The following CHST14 variants were observed in gnomAD, a reference collection of about 807,000 sequenced individuals.
CHST14 encodes the protein carbohydrate (N-acetylgalactosamine 4-0) sulfotransferase 14.
Under a neutral mutation model 22.7 loss-of-function variants are expected in CHST14, and 13 were observed. The observed-to-expected ratio is 0.57, with a 90% confidence interval of 0.37 to 0.91. The LOEUF is 0.91. Ranked by LOEUF, CHST14 falls within the 40% of genes least tolerant of loss-of-function variation. The pLI, the probability that CHST14 is intolerant of heterozygous loss-of-function variation, is 0.01. For synonymous variants in CHST14, 233 were observed against 231.9 expected (o/e 1.00, Z -0.04); for missense variants, 466 against 513.1 (o/e 0.91, Z 0.89).
At position 40,471,234 on chromosome 15, in the gene CHST14, C is replaced by T. The variant is rs1894338537; in HGVS notation, c.21C>T (p.Thr7=). ...GCACCATGTTCCCCCGCCCGCTGAC[C>T]CCGCTGGCGGCCCCAAATGGCGCCG... MFPRPL[T]PLAAPNGAEP... is the part of the protein sequence containing the mutation. Residue 7 remains threonine (T), a synonymous_variant, in exon 1 of 1, where the codon ACC becomes ACT. Coordinates refer to ENST00000306243, the MANE Select transcript of CHST14 (RefSeq NM_130468.4). The surrounding 1 kb of genome is among the most constrained non-coding windows in gnomAD (Gnocchi z 6.4). The T allele has an allele frequency of 7.0e-7, 1 of 1,427,558 alleles. No homozygotes were observed. Among genetic ancestry groups the T allele is most frequent in the Non-Finnish European group, 9.1e-7 (1 of 1,101,160 alleles). The allele number at this position is 1,427,558 out of a possible 1,614,324, so 88.4% of individuals were successfully genotyped here.
In CHST14 at chr15:40,471,187, C is replaced by G. The variant is rs1555410680; in HGVS notation, c.-27C>G. On this transcript the variant is annotated 5_prime_UTR_variant, in exon 1 of 1. Coordinates refer to ENST00000306243, the MANE Select transcript of CHST14 (RefSeq NM_130468.4). This position sits in a 1 kb window ranked among gnomAD's most constrained non-coding sequence, Gnocchi z 6.4. ...AGGCCGCCCTCGGATCGGCCGGGCC[C>G]GCGCAGGCCCCCACCCCTTGAGCAC... is the stretch of plus-strand genomic sequence containing the variant. 1 of 1,320,362 alleles carries G rather than the reference C, an allele frequency of 7.6e-7. No individual in the cohort carries two copies. Among genetic ancestry groups the G allele is most frequent in the South Asian group, 2.0e-5 (1 of 50,376 alleles). 81.8% of individuals were successfully genotyped at this position (1,320,362 alleles called of 1,614,324 possible). A position where few individuals can be genotyped will look rare whatever the true frequency, so the allele number is the denominator to read the frequency against.
Position 40,471,345 on chromosome 15 carries a change from G to A in CHST14, c.132G>A (p.Met44Ile). The stretch of plus-strand genomic sequence containing the variant: ...GGCCGCCCCTGCTGCTGCCGTCCAT[G>A]CTGATGTTTGCGGTGATCGTGGCCT... ...LGGPPLLLPS[M>I]LMFAVIVASS... The change falls in exon 1 of 1, where the codon ATG (methionine) becomes ATA (isoleucine). Residue 44 changes from methionine to isoleucine, a missense_variant. Physicochemically the swap from Met to Ile is conservative, Grantham distance 10. Coordinates refer to ENST00000306243, the MANE Select transcript of CHST14 (RefSeq NM_130468.4). The surrounding 1 kb of genome is among the most constrained non-coding windows in gnomAD (Gnocchi z 6.4). The A allele has an allele frequency of 6.5e-7, 1 of 1,549,594 alleles. No homozygotes were observed.
At position 40,472,269 on chromosome 15, in the gene CHST14, G is replaced by C; in HGVS notation, c.1056G>C (p.Leu352=). The change falls in exon 1 of 1, where the codon CTG becomes CTC. Residue 352 remains leucine, a synonymous_variant. Transcript: ENST00000306243. ...CCCGGGCCCTGCTGCAGGATGTGCT[G>C]CCTAAGTATATCCTGGACTTCTCCC... is the stretch of plus-strand genomic sequence containing the variant. ...SAPRALLQDV[L]PKYILDFSLF... The C allele has an allele frequency of 6.2e-7, 1 of 1,610,886 alleles. No individual in the cohort carries two copies. The highest frequency in any genetic ancestry group is 8.5e-7 in the Non-Finnish European group (1 of 1,177,756).
rs372676204 is a variant in CHST14 at position 40,472,394 on chromosome 15, T to G, written c.*50T>G. ...GTGGGGACTGGTTTCAACGCCAGCT[T>G]TCTGTGCTTCTGCCTGTCATTCGGA... On this transcript the variant is annotated 3_prime_UTR_variant, in exon 1 of 1. Transcript: ENST00000306243. The G allele has an allele frequency of 3.6e-5, 56 of 1,536,644 alleles. No homozygotes were observed. In the African/African-American group the frequency reaches 7.5e-4, roughly 20 times the overall value.
rs910904770 is a variant in CHST14, at chr15:40,471,043, G to C, written c.-171G>C. Reference sequence around the variant, plus strand: ...GCGCCCGCCGCCCGCCGCCCGCTTCGGCGCCGCAGCCCGGGAGCCGGCCAC... The same window carrying C: ...GCGCCCGCCGCCCGCCGCCCGCTTCCGCGCCGCAGCCCGGGAGCCGGCCAC... On this transcript the variant is annotated 5_prime_UTR_variant, in exon 1 of 1. Transcript: ENST00000306243. This position sits in a 1 kb window ranked among gnomAD's most constrained non-coding sequence, Gnocchi z 6.4. 8.4e-6 allele frequency: 3 copies of C among 355,082 alleles called. No individual in the cohort carries two copies. The highest frequency in any genetic ancestry group is 1.5e-5 in the Non-Finnish European group (3 of 199,968). The allele number at this position is 355,082 out of a possible 1,614,324, so 22.0% of individuals were successfully genotyped here.
rs1348800384 is a variant in CHST14 at position 40,471,901 on chromosome 15, A to G, written c.688A>G (p.Ile230Val). The G allele has an allele frequency of 1.9e-6, 3 of 1,614,114 alleles. No individual in the cohort carries two copies. The highest frequency in any genetic ancestry group is 1.6e-4 in the Middle Eastern group (1 of 6,062). ...LSAYRNKFGE[I>V]REYQQRYGAE... ...TGCCTACCGCAACAAGTTTGGCGAGATCCGAGAGTACCAGCAACGCTATGG... is the reference window on the plus strand; with the variant it reads ...TGCCTACCGCAACAAGTTTGGCGAGGTCCGAGAGTACCAGCAACGCTATGG... Residue 230 changes from isoleucine (I) to valine (V), a missense_variant, in exon 1 of 1, where the codon ATC becomes GTC. Transcript: ENST00000306243. The surrounding 1 kb of genome is among the most constrained non-coding windows in gnomAD (Gnocchi z 6.4).
chr15:40,472,318 G>A lies in CHST14; in HGVS notation c.1105G>A (p.Val369Ile). The A allele has an allele frequency of 6.3e-7, 1 of 1,599,048 alleles. No individual in the cohort carries two copies. Among genetic ancestry groups the A allele is most frequent in the Non-Finnish European group, 8.5e-7 (1 of 1,170,928 alleles). ...CCTCTTTGCCTACCCACTGCCTAAT[G>A]TCACCAAGGAGGCGTGTCAGCAGTG... is the stretch of plus-strand genomic sequence containing the variant. ...FSLFAYPLPN[V>I]TKEACQQ The change falls in exon 1 of 1, where the codon GTC becomes ATC. Residue 369 changes from valine (V) to isoleucine (I), a missense_variant. By Grantham distance (29) the Val-to-Ile change is conservative. Coordinates refer to ENST00000306243, the MANE Select transcript of CHST14 (RefSeq NM_130468.4).
At position 40,471,290 on chromosome 15, in the gene CHST14, C is replaced by G. The variant is rs1321331803; in HGVS notation, c.77C>G (p.Pro26Arg). 6.5e-7 allele frequency: 1 copy of G among 1,527,286 alleles called. No homozygotes were observed. The highest frequency in any genetic ancestry group is 2.0e-5 in the Admixed American group (1 of 50,532). The allele number at this position is 1,527,286 out of a possible 1,614,324, so 94.6% of individuals were successfully genotyped here. ...CTGGGCCGGGCGCTGAGGCGGGCCC[C>G]TCTGGGCAGGGCCCGGGCGGGGCTG... ...EPLGRALRRA[P>R]LGRARAGLGG... The change falls in exon 1 of 1, where the codon CCT becomes CGT. Residue 26 changes from proline (P) to arginine (R), a missense_variant. By Grantham distance (103) the Pro-to-Arg change is moderately radical. Transcript: ENST00000306243. This position sits in a 1 kb window ranked among gnomAD's most constrained non-coding sequence, Gnocchi z 6.4.
rs1187790927 is a variant in CHST14 at position 40,471,184 on chromosome 15, G to A, written c.-30G>A. The A allele has an allele frequency of 1.5e-6, 2 of 1,316,910 alleles. No homozygotes were observed. Among genetic ancestry groups the A allele is most frequent in the South Asian group, 4.0e-5 (2 of 50,136 alleles). 81.6% of individuals were successfully genotyped at this position (1,316,910 alleles called of 1,614,324 possible). ...TCCAGGCCGCCCTCGGATCGGCCGG[G>A]CCCGCGCAGGCCCCCACCCCTTGAG... On this transcript the variant is annotated 5_prime_UTR_variant, in exon 1 of 1. Transcript: ENST00000306243. The surrounding 1 kb of genome is among the most constrained non-coding windows in gnomAD (Gnocchi z 6.4).
Position 40,471,303 on chromosome 15 carries a change from C to T in CHST14, c.90C>T (p.Ala30=). 6.5e-7 allele frequency: 1 copy of T among 1,532,748 alleles called. No homozygotes were observed. Among genetic ancestry groups the T allele is most frequent in the Non-Finnish European group, 8.7e-7 (1 of 1,145,356 alleles). The allele number at this position is 1,532,748 out of a possible 1,614,324, so 94.9% of individuals were successfully genotyped here. Residue 30 remains alanine (A), a synonymous_variant, in exon 1 of 1, where the codon GCC becomes GCT. Transcript: ENST00000306243. The surrounding 1 kb of genome is among the most constrained non-coding windows in gnomAD (Gnocchi z 6.4). ...TGAGGCGGGCCCCTCTGGGCAGGGC[C>T]CGGGCGGGGCTGGGTGGGCCGCCCC... ...RALRRAPLGR[A]RAGLGGPPLL...
In CHST14 at chr15:40,472,911, G is replaced by C. The variant is rs1894370103; in HGVS notation, c.*567G>C. The C allele has an allele frequency of 6.0e-6, 1 of 167,914 alleles. No individual in the cohort carries two copies. The highest frequency in any genetic ancestry group is 2.4e-5 in the African/African-American group (1 of 41,438). 10.4% of individuals were successfully genotyped at this position (167,914 alleles called of 1,614,324 possible). A position where few individuals can be genotyped will look rare whatever the true frequency, so the allele number is the denominator to read the frequency against. ...ACGGAAGCAGGGTTCTTGCCTGGTA[G>C]CTCCAGGACCCAGCTCTGCAGGCAC... On this transcript the variant is annotated 3_prime_UTR_variant, in exon 1 of 1. Coordinates refer to ENST00000306243, the MANE Select transcript of CHST14 (RefSeq NM_130468.4).
chr15:40,472,408 C>A lies in CHST14; in HGVS notation c.*64C>A. On this transcript the variant is annotated 3_prime_UTR_variant, in exon 1 of 1. Transcript: ENST00000306243. Reference sequence around the variant, plus strand: ...CAACGCCAGCTTTCTGTGCTTCTGCCTGTCATTCGGAGAAACTCTGGCTCT... The same window carrying A: ...CAACGCCAGCTTTCTGTGCTTCTGCATGTCATTCGGAGAAACTCTGGCTCT... 6.6e-7 allele frequency: 1 copy of A among 1,516,800 alleles called. No homozygotes were observed. The highest frequency in any genetic ancestry group is 1.3e-5 in the South Asian group (1 of 77,094). 94.0% of individuals were successfully genotyped at this position (1,516,800 alleles called of 1,614,324 possible). A position where few individuals can be genotyped will look rare whatever the true frequency, so the allele number is the denominator to read the frequency against.
Position 40,471,720 on chromosome 15 carries a change from G to T in CHST14, c.507G>T (p.Leu169=), listed in dbSNP as rs776505961. 203 of 1,613,464 alleles carry T rather than the reference G, an allele frequency of 1.3e-4. No homozygotes were observed. Among genetic ancestry groups the T allele is most frequent in the Non-Finnish European group, 1.3e-4 (151 of 1,180,038 alleles). The change falls in exon 1 of 1, where the codon CTG becomes CTT. Residue 169 remains leucine, a synonymous_variant. Transcript: ENST00000306243. This position sits in a 1 kb window ranked among gnomAD's most constrained non-coding sequence, Gnocchi z 6.4. Reference sequence around the variant, plus strand: ...ACTGGAAGCGGGTGATGAAGGTGCTGGCAGGCGTCCTGGACAGCGTGGACG... The same window carrying T: ...ACTGGAAGCGGGTGATGAAGGTGCTTGCAGGCGTCCTGGACAGCGTGGACG... The part of the protein sequence containing the change: ...CSNWKRVMKV[L]AGVLDSVDVR...
At position 40,471,749 on chromosome 15, in the gene CHST14, G is replaced by C. The variant is rs756707600; in HGVS notation, c.536G>C (p.Arg179Pro). Residue 179 changes from arginine (R) to proline (P), a missense_variant, in exon 1 of 1, where the codon CGC becomes CCC. Coordinates refer to ENST00000306243, the MANE Select transcript of CHST14 (RefSeq NM_130468.4). The surrounding 1 kb of genome is among the most constrained non-coding windows in gnomAD (Gnocchi z 6.4). The part of the protein sequence containing the change: ...LAGVLDSVDV[R>P]LKMDHRSDLV... ...GGCGTCCTGGACAGCGTGGACGTCC[G>C]CCTCAAGATGGACCACCGCAGTGAC... 1.2e-6 allele frequency: 2 copies of C among 1,613,578 alleles called. No homozygotes were observed. Among genetic ancestry groups the C allele is most frequent in the Admixed American group, 3.3e-5 (2 of 60,032 alleles).
chr15:40,472,379 G>T lies in CHST14; in HGVS notation c.*35G>T. On this transcript the variant is annotated 3_prime_UTR_variant, in exon 1 of 1. Coordinates refer to ENST00000306243, the MANE Select transcript of CHST14 (RefSeq NM_130468.4). ...TGGGGCCAGCAGCTGGTGGGGACTG[G>T]TTTCAACGCCAGCTTTCTGTGCTTC... The T allele has an allele frequency of 6.4e-7, 1 of 1,561,916 alleles. No individual in the cohort carries two copies. Among genetic ancestry groups the T allele is most frequent in the Non-Finnish European group, 8.7e-7 (1 of 1,154,526 alleles).
chr15:40,471,340 T>C lies in CHST14; in HGVS notation c.127T>C (p.Ser43Pro), dbSNP rs1473645945. Residue 43 changes from serine (S) to proline (P), a missense_variant, in exon 1 of 1, where the codon TCC (serine) becomes CCC (proline). Coordinates refer to ENST00000306243, the MANE Select transcript of CHST14 (RefSeq NM_130468.4). This position sits in a 1 kb window ranked among gnomAD's most constrained non-coding sequence, Gnocchi z 6.4. ...GGGTGGGCCGCCCCTGCTGCTGCCG[T>C]CCATGCTGATGTTTGCGGTGATCGT... Reference protein sequence around the residue: ...GLGGPPLLLPSMLMFAVIVAS... With the variant: ...GLGGPPLLLPPMLMFAVIVAS... 3 of 1,546,310 alleles carry C rather than the reference T, an allele frequency of 1.9e-6. No individual in the cohort carries two copies. In the African/African-American group the frequency reaches 4.1e-5, roughly 21 times the overall value.
In CHST14 at chr15:40,471,625, C is replaced by T; in HGVS notation, c.412C>T (p.Leu138=). ...DLPVGQRRTL[L]RHILVSDRYR... ...GCCGGTGGGGCAGCGGCGCACCCTG[C>T]TGCGCCACATCCTCGTAAGTGACCG... Residue 138 remains leucine, a synonymous_variant, in exon 1 of 1, where the codon CTG becomes TTG. Coordinates refer to ENST00000306243, the MANE Select transcript of CHST14 (RefSeq NM_130468.4). The surrounding 1 kb of genome is among the most constrained non-coding windows in gnomAD (Gnocchi z 6.4). The T allele has an allele frequency of 6.2e-7, 1 of 1,613,228 alleles. No individual in the cohort carries two copies. The highest frequency in any genetic ancestry group is 8.5e-7 in the Non-Finnish European group (1 of 1,180,000).
chr15:40,472,239 T>C lies in CHST14; in HGVS notation c.1026T>C (p.Ser342=), dbSNP rs1287453731. ...AAAGCCTGCATTACCACTTGTGCAG[T>C]GCCCCCCGGGCCCTGCTGCAGGATG... is the stretch of plus-strand genomic sequence containing the variant. The part of the protein sequence containing the change: ...SPESLHYHLC[S]APRALLQDVL... The change falls in exon 1 of 1, where the codon AGT becomes AGC. Residue 342 remains serine (S), a synonymous_variant. Transcript: ENST00000306243. The C allele has an allele frequency of 6.2e-7, 1 of 1,613,722 alleles. No individual in the cohort carries two copies. Among genetic ancestry groups the C allele is most frequent in the South Asian group, 1.1e-5 (1 of 91,064 alleles).
chr15:40,471,365 TGGCCTCCAGCG>T lies in CHST14; in HGVS notation c.156_166del (p.Ser53AlafsTer89), dbSNP rs1293915082. Reference sequence around the variant, plus strand: ...TCCATGCTGATGTTTGCGGTGATCGTGGCCTCCAGCGGGCTGCTGCTCATGATCGAGCGGGG... The same window carrying T: ...TCCATGCTGATGTTTGCGGTGATCGTGGCTGCTGCTCATGATCGAGCGGGG... On this transcript the variant is annotated frameshift_variant, in exon 1 of 1. Transcript: ENST00000306243. LOFTEE classifies it high-confidence loss of function. The surrounding 1 kb of genome is among the most constrained non-coding windows in gnomAD (Gnocchi z 6.4). 7.1e-6 allele frequency: 11 copies of T among 1,555,360 alleles called. No homozygotes were observed. The highest frequency in any genetic ancestry group is 8.7e-6 in the Non-Finnish European group (10 of 1,154,976).
Sources: gnomAD v4.1 joint callset for allele counts on GRCh38, gnomAD v4.1.1 for gene constraint, Gnocchi (gnomAD v3.1) non-coding constraint, MANE v1.5 for transcripts, NCBI Gene and HGNC (gene_info 2026-07-23, HGNC 2026-07-21) for gene names.